Variants in ASTN2 observed in about 807,000 individuals in gnomAD.
The protein encoded by ASTN2 is astrotactin 2, also known as astrotactin-2.
Under a neutral mutation model 139.8 loss-of-function variants are expected in ASTN2, and 54 were observed. The ratio of observed to expected loss-of-function variants is 0.39; its 90% confidence interval spans 0.31 to 0.48. The LOEUF is 0.48. ASTN2 is among the 20% of genes least tolerant of loss of function. The pLI is 0.95. For synonymous variants in ASTN2, 756 were observed against 719.5 expected (o/e 1.05, Z -0.81); for missense variants, 1,565 against 1,725.1 (o/e 0.91, Z 1.64).
At position 116,961,867 on chromosome 9, in the gene ASTN2, A is replaced by T. The variant is rs116935626; in HGVS notation, c.1889+13341T>A. Among the ~76,000 whole-genome samples the T allele has an allele frequency of 7.9e-5, 12 of 152,354 alleles. No individual in the cohort carries two copies. The East Asian group carries it at 1.9e-3, about 25-fold the overall frequency. ...ATCTGGGCTAAATAATTGTAATATAATGACAACAACGGTAGCCAATCTATT... is the reference window on the plus strand; with the variant it reads ...ATCTGGGCTAAATAATTGTAATATATTGACAACAACGGTAGCCAATCTATT... On this transcript the variant is annotated intron_variant, in intron 10 of 22. Coordinates refer to ENST00000313400, the MANE Select transcript of ASTN2 (RefSeq NM_001365068.1).
chr9:117,099,282 A>C (rs549416821), intron 4 of ASTN2, among the ~76,000 whole-genome samples: 1 of 152,272 alleles, frequency 6.6e-6, no homozygotes, highest in South Asian at 2.1e-4. Flanking sequence ...CCCTGTTAGG[A>C]GGCCACCCAA....
intron 3 of ASTN2, among the ~76,000 whole-genome samples, chr9:117,188,404 A>G (rs943676788): frequency 5.3e-5 from 8 of 152,202 alleles, no homozygotes; most frequent in East Asian, 3.9e-4. Context: ...GGAAGGTGTC[A>G]TGTAGTTTAT....
chr9:117,115,192 C>CT (rs1459136461), intron 4 of ASTN2, among the ~76,000 whole-genome samples: 2 of 152,166 alleles, frequency 1.3e-5, no homozygotes, highest in African/African-American at 4.8e-5. Flanking sequence ...TCTCTAAACT[C>CT]TAAGTCTCAC....
chr9:116,806,789 C>T (rs1393952881), intron 12 of ASTN2, among the ~76,000 whole-genome samples: 1 of 151,182 alleles, frequency 6.6e-6, no homozygotes, highest in Non-Finnish European at 1.5e-5. Flanking sequence ...ATACATTGGC[C>T]ACAAAAAAAA....
At chr9:117,114,566 C>G (rs556537967) in intron 4 of ASTN2, among the ~76,000 whole-genome samples, 9 of 151,302 alleles carry the variant, frequency 5.9e-5, no homozygotes, top group African/African-American at 1.9e-4. Flanking sequence ...GTCAGAAAAC[C>G]TAAGTTTGAG....
intron 22 of ASTN2, among the ~76,000 whole-genome samples, chr9:116,437,943 A>G (rs567206134): frequency 6.6e-6 from 1 of 152,202 alleles, no homozygotes; most frequent in South Asian, 2.1e-4. Flanking sequence ...GCCATTGCAA[A>G]TGTTCTAAGG....
chr9:117,321,117 A>C (rs566963581), intron 1 of ASTN2, among the ~76,000 whole-genome samples: 1 of 152,292 alleles, frequency 6.6e-6, no homozygotes, highest in South Asian at 2.1e-4. Context: ...CCAGGTGGTG[A>C]GAGAAACACG....
chr9:117,203,403 A>G (rs1831797776), intron 3 of ASTN2, among the ~76,000 whole-genome samples: 5 of 151,142 alleles, frequency 3.3e-5, no homozygotes, highest in Admixed American at 3.3e-4. Flanking sequence ...GATCATGTTG[A>G]GGAGAAGAGG....
At chr9:116,926,349 A>G (rs1244288420) in intron 10 of ASTN2, among the ~76,000 whole-genome samples, 4 of 152,300 alleles carry the variant, frequency 2.6e-5, no homozygotes, top group Non-Finnish European at 1.5e-5. Flanking sequence ...TGCAAGTTAG[A>G]GCTTTCTTTT....
At chr9:116,976,660 GGTCCTGCACT>G (rs754220135) in intron 8 of ASTN2, 31 bp downstream of exon 8, 39 of 1,563,650 alleles carry the variant, frequency 2.5e-5, no homozygotes, top group Admixed American at 1.0e-4. Flanking sequence ...GGTAAAAGTG[GGTCCTGCACT>G]GTCCTGGACC....
intron 3 of ASTN2, among the ~76,000 whole-genome samples, chr9:117,158,094 A>T (rs1830469197): frequency 6.6e-6 from 1 of 152,006 alleles, no homozygotes; most frequent in Non-Finnish European, 1.5e-5. Context: ...TATACAAAAT[A>T]AAAAAATAGA....
intron 19 of ASTN2, among the ~76,000 whole-genome samples, chr9:116,542,310 T>C (rs547086475): frequency 6.6e-6 from 1 of 152,260 alleles, no homozygotes; most frequent in African/African-American, 2.4e-5. Flanking sequence ...TTTAATGAAA[T>C]AAAAAGGTAA....
At chr9:117,161,793 T>C (rs1163821405) in intron 3 of ASTN2, among the ~76,000 whole-genome samples, 2 of 151,862 alleles carry the variant, frequency 1.3e-5, no homozygotes, top group African/African-American at 2.4e-5. Flanking sequence ...AGCAAGAAAA[T>C]CTACAGAGAG....
intron 1 of ASTN2, among the ~76,000 whole-genome samples, chr9:117,327,810 A>G (rs1019043139): frequency 5.9e-5 from 9 of 152,198 alleles, no homozygotes; most frequent in Non-Finnish European, 1.2e-4. Context: ...GAAGCTTGGG[A>G]TCCAGTGATA....
intron 7 of ASTN2, among the ~76,000 whole-genome samples, chr9:116,992,459 G>A (rs1229761023): frequency 1.3e-5 from 2 of 152,134 alleles, no homozygotes; most frequent in Admixed American, 6.5e-5. Flanking sequence ...ATTTAAGAGG[G>A]CATGTAGAAT....
chr9:116,847,228 G>A (rs1164186279), intron 11 of ASTN2, among the ~76,000 whole-genome samples: 1 of 152,108 alleles, frequency 6.6e-6, no homozygotes, highest in Non-Finnish European at 1.5e-5. Flanking sequence ...TGATTCTCCT[G>A]CCTCAGCCTC....
intron 10 of ASTN2, among the ~76,000 whole-genome samples, chr9:116,892,541 G>T (rs1204391415): frequency 1.3e-5 from 2 of 152,100 alleles, no homozygotes; most frequent in Admixed American, 6.6e-5. Context: ...AAGAGAGAAG[G>T]CAGATGAAGC....
intron 2 of ASTN2, among the ~76,000 whole-genome samples, chr9:117,221,516 G>A (rs549018513): frequency 6.6e-6 from 1 of 152,288 alleles, no homozygotes; most frequent in Non-Finnish European, 1.5e-5. Context: ...AAGCCACCAG[G>A]GGATTTGGTA....
At chr9:116,819,495 A>G (rs1223100380) in intron 12 of ASTN2, among the ~76,000 whole-genome samples, 1 of 152,192 alleles carries the variant, frequency 6.6e-6, no homozygotes, top group Non-Finnish European at 1.5e-5. Flanking sequence ...AGACCTTGAA[A>G]TAAGCCCTGG....
Sources: gnomAD v4.1 joint callset for allele counts (sites outside exome capture counted in the v4.1 genomes callset) on GRCh38, gnomAD v4.1.1 for gene constraint, MANE v1.5 for transcripts, NCBI Gene and HGNC (gene_info 2026-07-23, HGNC 2026-07-21) for gene names.